GPAM: variants seen among roughly 807,000 people sequenced by gnomAD.
The protein encoded by GPAM is glycerol-3-phosphate acyltransferase 1, mitochondrial.
GPAM carries 56 observed loss-of-function variants against 105.0 expected under a neutral mutation model. That is an observed-to-expected ratio of 0.53 (90% confidence interval 0.43 to 0.67). The LOEUF (loss-of-function observed/expected upper bound fraction) is 0.67, where lower values mean the gene tolerates loss of function less well. Among genes scored for constraint, GPAM ranks in the 30% least tolerant of loss-of-function variants. The pLI is 0.00. For missense variants in GPAM, 855 were observed against 989.8 expected (o/e 0.86, Z 1.83); for synonymous variants, 368 against 354.4 (o/e 1.04, Z -0.43).
chr10:112,161,476 T>G (rs1847121853), intron 15 of GPAM, among the ~76,000 whole-genome samples, 191 bp downstream of exon 15: 1 of 152,240 alleles, frequency 6.6e-6, no homozygotes, highest in Non-Finnish European at 1.5e-5. Context: ...CTGTTTTGTT[T>G]TGTTTTTAAA....
intron 1 of GPAM, among the ~76,000 whole-genome samples, chr10:112,214,001 A>G (rs544327477): frequency 6.6e-6 from 1 of 152,318 alleles, no homozygotes; most frequent in Non-Finnish European, 1.5e-5. Flanking sequence ...TCATTATGAC[A>G]AACTTCTAGG....
At chr10:112,162,546 G>A (rs1440261581) in intron 14 of GPAM, among the ~76,000 whole-genome samples, 3 of 151,922 alleles carry the variant, frequency 2.0e-5, no homozygotes, top group Admixed American at 6.6e-5. Context: ...CTTAAATCAC[G>A]ATAACATTTG....
chr10:112,199,853 G>GC (rs1436776574), intron 1 of GPAM, among the ~76,000 whole-genome samples: 1 of 151,906 alleles, frequency 6.6e-6, no homozygotes, highest in African/African-American at 2.4e-5. Context: ...TGGGGGAACC[G>GC]CCCCCCATGA....
chr10:112,160,089 CA>C (rs1264921844), intron 16 of GPAM, 36 bp from the exon 17 acceptor site: 1 of 1,608,700 alleles, frequency 6.2e-7, no homozygotes, highest in Admixed American at 1.7e-5. Flanking sequence ...GTTGCCAGCT[CA>C]AAGTCTCCAA....
chr10:112,166,632 A>G, intron 11 of GPAM, 117 bp from the exon 12 acceptor site: 1 of 737,560 alleles, frequency 1.4e-6, no homozygotes, highest in Admixed American at 1.9e-5. Context: ...TTGAAGAAGA[A>G]CAATGAATGA....
At chr10:112,203,869 G>A (rs1198557923) in intron 1 of GPAM, among the ~76,000 whole-genome samples, 1 of 152,188 alleles carries the variant, frequency 6.6e-6, no homozygotes, top group Non-Finnish European at 1.5e-5. Context: ...TTGAGGCAGA[G>A]TCTGTTTTTT....
chr10:112,202,775 T>C (rs1244479123), intron 1 of GPAM, among the ~76,000 whole-genome samples: 1 of 152,164 alleles, frequency 6.6e-6, no homozygotes, highest in Non-Finnish European at 1.5e-5. Context: ...TCAAGCAAAC[T>C]TATGAGTCAC....
chr10:112,183,391 C>G (rs569408798), intron 1 of GPAM, among the ~76,000 whole-genome samples: 3 of 152,220 alleles, frequency 2.0e-5, no homozygotes, highest in Non-Finnish European at 4.4e-5. Context: ...GGGACCCAGG[C>G]GGGCTGGCTG....
At chr10:112,158,976 C>T (rs1487001805) in intron 17 of GPAM, among the ~76,000 whole-genome samples, 3 of 152,008 alleles carry the variant, frequency 2.0e-5, no homozygotes, top group Non-Finnish European at 4.4e-5. Flanking sequence ...GTACTCCTAA[C>T]ACATGCACTC....
intron 1 of GPAM, among the ~76,000 whole-genome samples, chr10:112,190,397 C>T (rs190505889): frequency 6.6e-5 from 10 of 151,226 alleles, no homozygotes; most frequent in Non-Finnish European, 1.2e-4. Context: ...ACCAGCTGCT[C>T]GGGAGGCTGA....
intron 9 of GPAM, among the ~76,000 whole-genome samples, chr10:112,169,671 G>A (rs991366115): frequency 6.6e-6 from 1 of 151,996 alleles, no homozygotes; most frequent in Non-Finnish European, 1.5e-5. Flanking sequence ...ATATATTTTT[G>A]GTATCCTCTA....
chr10:112,217,928 A>T (rs574900059), upstream of GPAM, among the ~76,000 whole-genome samples: 2 of 152,356 alleles, frequency 1.3e-5, no homozygotes, highest in South Asian at 4.1e-4. Flanking sequence ...AGAAAAAAAG[A>T]AAGAAATTTA....
At chr10:112,221,568 C>A in the GPAM span, among the ~76,000 whole-genome samples, 111 of 152,234 alleles carry the variant, frequency 7.3e-4, no homozygotes, top group African/African-American at 2.5e-3. Flanking sequence ...GTCTGAAGAA[C>A]CTTGAGTATA....
chr10:112,181,285 G>A (rs977646625), intron 3 of GPAM, among the ~76,000 whole-genome samples: 1 of 151,328 alleles, frequency 6.6e-6, no homozygotes, highest in Non-Finnish European at 1.5e-5. Context: ...GAAAATGTAC[G>A]CCTTTTGGAT....
chr10:112,181,851 C>A, intron 2 of GPAM, 38 bp from the exon 3 acceptor site: 1 of 904,258 alleles, frequency 1.1e-6, no homozygotes, highest in South Asian at 1.3e-5. Flanking sequence ...AACAAGGAAT[C>A]GAGAGAGTAA....
chr10:112,194,823 C>T (rs992345159), intron 1 of GPAM, among the ~76,000 whole-genome samples: 3 of 152,242 alleles, frequency 2.0e-5, no homozygotes, highest in South Asian at 2.1e-4. Flanking sequence ...GTTTTGCTGG[C>T]TCAAGTCCTT....
At chr10:112,213,100 G>T (rs764304625) in intron 1 of GPAM, among the ~76,000 whole-genome samples, 8 of 152,194 alleles carry the variant, frequency 5.3e-5, no homozygotes, top group Non-Finnish European at 1.2e-4. Flanking sequence ...TTGGGACATG[G>T]TCAGTGCTCA....
chr10:112,172,910 C>A, intron 8 of GPAM, 60 bp downstream of exon 8: 4 of 905,198 alleles, frequency 4.4e-6, no homozygotes, highest in Non-Finnish European at 5.6e-6. Context: ...TCCACAAGAA[C>A]CCTAAAACCA....
intron 1 of GPAM, among the ~76,000 whole-genome samples, chr10:112,211,463 C>T (rs1431550651): frequency 6.6e-6 from 1 of 152,166 alleles, no homozygotes; most frequent in Admixed American, 6.5e-5. Flanking sequence ...TGAGAACTTC[C>T]TGCATTCTGG....
Sources: gnomAD v4.1 joint callset for allele counts (sites outside exome capture counted in the v4.1 genomes callset) on GRCh38, gnomAD v4.1.1 for gene constraint, MANE v1.5 for transcripts, NCBI Gene and HGNC (gene_info 2026-07-23, HGNC 2026-07-21) for gene names.